The following DLGAP2 variants were observed in gnomAD, a reference collection of about 807,000 sequenced individuals.
DLGAP2 encodes disks large-associated protein 2.
Under a neutral mutation model 100.3 loss-of-function variants are expected in DLGAP2, and 26 were observed. That is an observed-to-expected ratio of 0.26 (90% CI 0.19 to 0.36). The LOEUF is 0.36. Ranked by LOEUF, DLGAP2 falls within the 10% of genes least tolerant of loss-of-function variation. The pLI is 1.00. For synonymous variants in DLGAP2, 886 were observed against 630.1 expected, an observed-to-expected ratio of 1.41 and a Z score of -6.08; for missense variants, 1,858 against 1,453.2, an observed-to-expected ratio of 1.28 and a Z score of -4.53.
intron 2 of DLGAP2, among the ~76,000 whole-genome samples, chr8:932,640 C>T (rs555379750): frequency 6.6e-6 from 1 of 152,182 alleles, no homozygotes; most frequent in South Asian, 2.1e-4. Context: ...ATGTGAAGGG[C>T]TATTATGCCT....
chr8:1,197,970 C>G (rs962676590), intron 2 of DLGAP2, among the ~76,000 whole-genome samples: 7 of 152,200 alleles, frequency 4.6e-5, no homozygotes, highest in African/African-American at 1.2e-4. Flanking sequence ...CTTGCACACC[C>G]ATGTCTGTCC....
intron 4 of DLGAP2, among the ~76,000 whole-genome samples, chr8:1,509,690 T>G (rs1304411297): frequency 6.6e-6 from 1 of 152,160 alleles, no homozygotes; most frequent in Non-Finnish European, 1.5e-5. Context: ...TTCTCATTCT[T>G]TGTTTGTTAA....
chr8:1,036,449 G>C (rs1348103227), intron 2 of DLGAP2, among the ~76,000 whole-genome samples: 1 of 152,240 alleles, frequency 6.6e-6, no homozygotes, highest in African/African-American at 2.4e-5. Flanking sequence ...GACCCTACAC[G>C]GGGTGTGGGT....
intron 1 of DLGAP2, among the ~76,000 whole-genome samples, chr8:832,295 A>G (rs904304475): frequency 2.6e-5 from 4 of 152,202 alleles, no homozygotes; most frequent in African/African-American, 9.7e-5. Context: ...GCCCATGCCT[A>G]AGTCCTGAAT....
chr8:931,179 C>G (rs1048691743), intron 2 of DLGAP2, among the ~76,000 whole-genome samples: 2 of 152,176 alleles, frequency 1.3e-5, no homozygotes, highest in African/African-American at 4.8e-5. Context: ...CCTACTGAAT[C>G]TTGCTCCTGG....
At chr8:1,566,752 C>T (rs1248055302) in intron 6 of DLGAP2, among the ~76,000 whole-genome samples, 1 of 152,228 alleles carries the variant, frequency 6.6e-6, no homozygotes, top group Non-Finnish European at 1.5e-5. Flanking sequence ...AGTGATGAGC[C>T]AGTGACCATA....
chr8:883,692 C>T (rs1797863133), intron 1 of DLGAP2, among the ~76,000 whole-genome samples: 2 of 152,256 alleles, frequency 1.3e-5, no homozygotes, highest in South Asian at 4.1e-4. Context: ...CGGTTCGTTA[C>T]GTAGGTGCGC....
chr8:1,033,925 A>G (rs13251001), intron 2 of DLGAP2, among the ~76,000 whole-genome samples: 742 of 18,368 alleles, frequency 0.04, 81 homozygotes, highest in Non-Finnish European at 0.052. Flanking sequence ...TCCCGACCCC[A>G]TGTGTCACCG....
At position 1,141,914 on chromosome 8, in the gene DLGAP2, CATT is replaced by C. The variant is rs571271286; in HGVS notation, c.74-116934_74-116932del. ...TTTTCAAAAATTTCTGAAATGAACTCATTATAATTTTTAAGCATGCTATAAAGA... is the reference window on the plus strand; with the variant it reads ...TTTTCAAAAATTTCTGAAATGAACTCATAATTTTTAAGCATGCTATAAAGA... On this transcript the variant is annotated intron_variant, in intron 2 of 14. Transcript: ENST00000637795. Among the ~76,000 whole-genome samples the C allele has an allele frequency of 2.2e-4, 34 of 152,074 alleles. No individual in the cohort carries two copies. The East Asian group carries it at 2.9e-3, about 13-fold the overall frequency.
chr8:1,496,781 C>G (rs549844880), intron 3 of DLGAP2, among the ~76,000 whole-genome samples: 1 of 152,254 alleles, frequency 6.6e-6, no homozygotes, highest in East Asian at 1.9e-4. Context: ...CCAGGCGGCA[C>G]CCGAGGCACC....
chr8:1,525,993 A>T (rs1349859537), intron 4 of DLGAP2, among the ~76,000 whole-genome samples: 4 of 152,064 alleles, frequency 2.6e-5, no homozygotes, highest in African/African-American at 9.7e-5. Flanking sequence ...GGACATTTGC[A>T]TTACATACTT....
intron 2 of DLGAP2, among the ~76,000 whole-genome samples, chr8:1,208,331 G>A (rs1403169976): frequency 1.1e-4 from 17 of 151,982 alleles, no homozygotes; most frequent in Admixed American, 4.6e-4. Flanking sequence ...TCCTTTCCCC[G>A]CTTATGTTTT....
At chr8:1,434,046 C>G (rs531200014) in intron 3 of DLGAP2, among the ~76,000 whole-genome samples, 187 of 152,246 alleles carry the variant, frequency 1.2e-3, no homozygotes, top group Non-Finnish European at 2.2e-3. Flanking sequence ...AGTGTTTTTG[C>G]GAAGTCCCAG....
At chr8:1,067,111 C>G (rs79136513) in intron 2 of DLGAP2, among the ~76,000 whole-genome samples, 2,127 of 152,282 alleles carry the variant, frequency 0.014, 67 homozygotes, top group African/African-American at 0.048. Flanking sequence ...GACCCAGCCT[C>G]TCCGCACAGC....
At chr8:976,618 A>G (rs1219062576) in intron 2 of DLGAP2, among the ~76,000 whole-genome samples, 1 of 152,060 alleles carries the variant, frequency 6.6e-6, no homozygotes, top group Non-Finnish European at 1.5e-5. Flanking sequence ...TCTCAAAAAA[A>G]CAAAAAACAG....
chr8:1,694,591 T>A (rs1799333403), intron 13 of DLGAP2, among the ~76,000 whole-genome samples: 1 of 152,044 alleles, frequency 6.6e-6, no homozygotes, highest in South Asian at 2.1e-4. Flanking sequence ...AGCAGTTTGG[T>A]GTCCCCAGAA....
intron 2 of DLGAP2, among the ~76,000 whole-genome samples, chr8:1,104,009 A>T (rs1804671395): frequency 6.6e-6 from 1 of 152,208 alleles, no homozygotes; most frequent in African/African-American, 2.4e-5. Flanking sequence ...GTGGCATCAC[A>T]AGAACACAAA....
At chr8:1,298,455 A>T (rs1422022825) in intron 3 of DLGAP2, among the ~76,000 whole-genome samples, 1 of 152,122 alleles carries the variant, frequency 6.6e-6, no homozygotes, top group African/African-American at 2.4e-5. Flanking sequence ...TGGGGTATAA[A>T]TACGGTTTCA....
chr8:985,687 A>G (rs1229839254), intron 2 of DLGAP2, among the ~76,000 whole-genome samples: 1 of 152,220 alleles, frequency 6.6e-6, no homozygotes, highest in Non-Finnish European at 1.5e-5. Flanking sequence ...ATGGCAGAAT[A>G]TTTTGCCTTT....
Sources: gnomAD v4.1 joint callset for allele counts (sites outside exome capture counted in the v4.1 genomes callset) on GRCh38, gnomAD v4.1.1 for gene constraint, MANE v1.5 for transcripts, NCBI Gene and HGNC (gene_info 2026-07-23, HGNC 2026-07-21) for gene names.